OPHN1: variants seen among roughly 807,000 people sequenced by gnomAD.
OPHN1 encodes the protein oligophrenin 1, also known as oligophrenin-1.
OPHN1 carries 11 observed loss-of-function variants against 60.7 expected under a neutral mutation model. The observed-to-expected ratio is 0.18, with a 90% CI of 0.11 to 0.30. The LOEUF is 0.30. Among genes scored for constraint, OPHN1 ranks in the 10% least tolerant of loss-of-function variants. The pLI, the probability that OPHN1 is intolerant of heterozygous loss-of-function variation, is 1.00. For missense variants in OPHN1, 449 were observed against 611.0 expected (o/e 0.73, Z 2.80); for synonymous variants, 226 against 222.6 (o/e 1.02, Z -0.14).
intron 2 of OPHN1, among the ~76,000 whole-genome samples, chrX:68,418,982 C>CT (rs890980736): frequency 3.2e-4 from 35 of 109,955 alleles, no homozygotes; most frequent in Non-Finnish European, 4.8e-4. Flanking sequence ...CCCTCCACTT[C>CT]TTTTTTTTTA....
chrX:68,271,290 C>T (rs2077967324), intron 5 of OPHN1, among the ~76,000 whole-genome samples: 1 of 109,609 alleles, frequency 9.1e-6, no homozygotes, highest in African/African-American at 3.3e-5. Context: ...CTTTGGGAGG[C>T]CAAGCCAGGA....
In OPHN1 at chrX:68,256,679, A is replaced by AT. The variant is rs1432713966; in HGVS notation, c.384+18058dup. Among the ~76,000 whole-genome samples, 5 of 111,810 alleles carry AT rather than the reference A, an allele frequency of 4.5e-5. No individual in the cohort carries two copies. In the East Asian group the frequency reaches 1.4e-3, roughly 31 times the overall value. On this transcript the variant is annotated intron_variant, in intron 5 of 24. Coordinates refer to ENST00000355520, the MANE Select transcript of OPHN1 (RefSeq NM_002547.3). ...GACTTCATGTCTCTGTGTCAGCATC[A>AT]TTTTTTTAGCAATAAAGTTTGTTTT...
At chrX:68,222,901 C>T (rs1264726534) in intron 6 of OPHN1, among the ~76,000 whole-genome samples, 1 of 95,879 alleles carries the variant, frequency 1.0e-5, no homozygotes, top group Non-Finnish European at 2.1e-5. Context: ...ACAATGTGCA[C>T]ATGTACCCTA....
intron 2 of OPHN1, among the ~76,000 whole-genome samples, chrX:68,417,114 G>C (rs2147782874): frequency 9.3e-6 from 1 of 107,820 alleles, no homozygotes; most frequent in African/African-American, 3.4e-5. Context: ...TATTTATTTT[G>C]AGATGGAGAC....
At chrX:68,126,157 T>C (rs1282001032) in intron 15 of OPHN1, among the ~76,000 whole-genome samples, 1 of 108,206 alleles carries the variant, frequency 9.2e-6, no homozygotes, top group Non-Finnish European at 1.9e-5. Context: ...ATTTCAATTG[T>C]TACTGAAAAA....
rs555119718 is a variant in OPHN1, at chrX:68,149,377, A to C, written c.1277-30045T>G. Among the ~76,000 whole-genome samples the C allele has an allele frequency of 2.8e-4, 31 of 112,188 alleles. 1 individual carries two copies. In the South Asian group the frequency reaches 9.6e-3, roughly 35 times the overall value. ...CAAGCATTAAATTAACCTCCATGGT[A>C]GATATGAAGCTACTGACCTGAAGTC... On this transcript the variant is annotated intron_variant, in intron 15 of 24. Coordinates refer to ENST00000355520, the MANE Select transcript of OPHN1 (RefSeq NM_002547.3).
intron 2 of OPHN1, among the ~76,000 whole-genome samples, chrX:68,306,001 A>G (rs1419049994): frequency 8.9e-6 from 1 of 112,209 alleles, no homozygotes; most frequent in African/African-American, 3.2e-5. Flanking sequence ...GAAAATATCA[A>G]TAAAACAATG....
chrX:68,066,957 G>A (rs913299918), intron 20 of OPHN1, among the ~76,000 whole-genome samples: 7 of 112,301 alleles, frequency 6.2e-5, no homozygotes, highest in African/African-American at 1.9e-4. Context: ...ACGAAGAACT[G>A]GGAGTGAATC....
intron 2 of OPHN1, among the ~76,000 whole-genome samples, chrX:68,371,633 T>C (rs997362387): frequency 1.8e-5 from 2 of 112,236 alleles, no homozygotes; most frequent in Non-Finnish European, 3.8e-5. Context: ...CTGTACCATA[T>C]AGCCTTGGTA....
intron 2 of OPHN1, among the ~76,000 whole-genome samples, chrX:68,383,898 G>A (rs1304090115): frequency 6.3e-5 from 7 of 111,043 alleles, no homozygotes; most frequent in Non-Finnish European, 9.4e-5. Context: ...GAAGCAACTT[G>A]ACCAGGGAGT....
intron 2 of OPHN1, among the ~76,000 whole-genome samples, chrX:68,329,796 A>T (rs750235690): frequency 8.0e-5 from 9 of 112,113 alleles, no homozygotes; most frequent in African/African-American, 2.9e-4. Flanking sequence ...AGACAAGAGA[A>T]GTTATATTTT....
chrX:68,227,457 G>T (rs1264589590), intron 6 of OPHN1, among the ~76,000 whole-genome samples: 3 of 111,119 alleles, frequency 2.7e-5, no homozygotes, highest in African/African-American at 9.8e-5. Flanking sequence ...AATATACATT[G>T]TTCTCAGCAC....
intron 6 of OPHN1, among the ~76,000 whole-genome samples, chrX:68,221,666 C>G (rs1175034222): frequency 6.0e-5 from 1 of 16,726 alleles, no homozygotes; most frequent in Non-Finnish European, 1.4e-4. Context: ...CTGACAAAAA[C>G]AAGAAATGGG....
intron 2 of OPHN1, among the ~76,000 whole-genome samples, chrX:68,310,615 T>C (rs2078168513): frequency 9.0e-6 from 1 of 110,622 alleles, no homozygotes; most frequent in Admixed American, 9.8e-5. Flanking sequence ...AGATCTAGGA[T>C]TATATTACAC....
chrX:68,189,533 G>C (rs1355781175), intron 15 of OPHN1, among the ~76,000 whole-genome samples: 1 of 103,619 alleles, frequency 9.7e-6, no homozygotes, highest in East Asian at 3.0e-4. Flanking sequence ...AGGCCCCAGT[G>C]TGTGATGTTC....
At chrX:68,121,337 G>A (rs1218610739) in intron 15 of OPHN1, among the ~76,000 whole-genome samples, 1 of 111,776 alleles carries the variant, frequency 8.9e-6, no homozygotes, top group African/African-American at 3.2e-5. Flanking sequence ...AAGAAAATAT[G>A]AGCAAACATT....
Position 68,380,040 on chromosome X carries a change from G to A in OPHN1, c.154+52827C>T, listed in dbSNP as rs746688869. 7.1e-4 allele frequency among the ~76,000 whole-genome samples: 79 copies of A among 111,114 alleles called. No individual in the cohort carries two copies. The Middle Eastern group carries it at 0.014, about 19-fold the overall frequency. Reference sequence around the variant, plus strand: ...CTTGTACCTCTGGTAGAATTCGGCTGTGAATCCATCTGGTCATGGACTCTT... The same window carrying A: ...CTTGTACCTCTGGTAGAATTCGGCTATGAATCCATCTGGTCATGGACTCTT... On this transcript the variant is annotated intron_variant, in intron 2 of 24. Coordinates refer to ENST00000355520, the MANE Select transcript of OPHN1 (RefSeq NM_002547.3).
chrX:68,297,928 T>C (rs2078103133), intron 3 of OPHN1, among the ~76,000 whole-genome samples: 1 of 111,782 alleles, frequency 8.9e-6, no homozygotes, highest in South Asian at 3.7e-4. Context: ...TAAAAGTATG[T>C]CCAAGATACT....
At chrX:68,145,654 C>T (rs2077260819) in intron 15 of OPHN1, among the ~76,000 whole-genome samples, 1 of 111,772 alleles carries the variant, frequency 8.9e-6, no homozygotes, top group South Asian at 3.7e-4. Flanking sequence ...CCACATCCTT[C>T]CCTCTCCAGA....
Sources: allele counts gnomAD v4.1 joint callset (sites outside exome capture counted in the v4.1 genomes callset), GRCh38; gene constraint gnomAD v4.1.1; transcripts MANE v1.5; gene names NCBI Gene and HGNC (gene_info 2026-07-23, HGNC 2026-07-21).